Variants in STIM1 observed in about 807,000 individuals in gnomAD.
STIM1 encodes stromal interaction molecule 1.
A neutral mutation model predicts 74.7 loss-of-function variants in STIM1; 25 were observed. The observed-to-expected ratio is 0.33, with a 90% CI of 0.24 to 0.47. STIM1 has a LOEUF of 0.47. STIM1 is among the 20% of genes least tolerant of loss of function. The pLI is 1.00. For missense variants in STIM1, 728 were observed against 920.8 expected (o/e 0.79, Z 2.71); for synonymous variants, 328 against 348.8 (o/e 0.94, Z 0.66).
At chr11:3,870,150 T>G (rs11825543) in intron 1 of STIM1, among the ~76,000 whole-genome samples, 46,170 of 152,072 alleles carry the variant, frequency 0.3, 8,025 homozygotes, top group African/African-American at 0.47. Context: ...ATTTTACAAA[T>G]GAGTTTTCTG....
At chr11:3,948,427 G>A (rs939960328) in intron 1 of STIM1, among the ~76,000 whole-genome samples, 7 of 151,964 alleles carry the variant, frequency 4.6e-5, no homozygotes, top group African/African-American at 7.3e-5. Context: ...GAACAAGCTA[G>A]TTTTACTTGA....
At chr11:3,917,993 A>G (rs2135509003) in intron 1 of STIM1, among the ~76,000 whole-genome samples, 1 of 152,328 alleles carries the variant, frequency 6.6e-6, no homozygotes, top group East Asian at 1.9e-4. Flanking sequence ...TACAATTCAG[A>G]CAGACTTAAC....
At chr11:3,921,528 C>T (rs746675006) in intron 1 of STIM1, among the ~76,000 whole-genome samples, 57 of 152,190 alleles carry the variant, frequency 3.7e-4, no homozygotes, top group Non-Finnish European at 5.3e-4. Context: ...CATTAGCACA[C>T]TGGAGGCCTT....
chr11:4,018,936 C>G (rs2093929603), intron 2 of STIM1: 1 of 152,620 alleles, frequency 6.6e-6, no homozygotes, highest in South Asian at 2.1e-4. Flanking sequence ...TTGTTGCACT[C>G]CTGAAGGCAA....
intron 4 of STIM1, chr11:4,058,884 G>T: frequency 9.4e-7 from 1 of 1,060,128 alleles, no homozygotes; most frequent in African/African-American, 1.6e-5. Context: ...CAGAATCACT[G>T]GGTCATATGA....
At chr11:4,087,727 A>AC (rs1226178180) in intron 12 of STIM1, among the ~76,000 whole-genome samples, 1 of 151,406 alleles carries the variant, frequency 6.6e-6, no homozygotes, top group East Asian at 1.9e-4. Flanking sequence ...GTAGACCACT[A>AC]GGGGAGGTAA....
intron 2 of STIM1, among the ~76,000 whole-genome samples, chr11:4,004,351 G>C (rs985488688): frequency 4.6e-5 from 7 of 151,888 alleles, no homozygotes; most frequent in African/African-American, 1.2e-4. Flanking sequence ...CAAGGCTACA[G>C]TAACCAAAAC....
intron 1 of STIM1, 123 bp downstream of exon 1, chr11:3,856,532 C>T: frequency 8.3e-7 from 1 of 1,209,708 alleles, no homozygotes; most frequent in Non-Finnish European, 1.1e-6. Context: ...ACACATGGCA[C>T]TGCCTGTTCC....
At chr11:3,922,150 T>C (rs1459704473) in intron 1 of STIM1, among the ~76,000 whole-genome samples, 1 of 152,204 alleles carries the variant, frequency 6.6e-6, no homozygotes. Context: ...AATATGAGAA[T>C]TCTAGTTGTC....
chr11:4,090,891 T>G (rs936871675), intron 12 of STIM1, among the ~76,000 whole-genome samples: 84 of 152,226 alleles, frequency 5.5e-4, no homozygotes, highest in African/African-American at 1.9e-3. Context: ...TATGATGACA[T>G]TTGTTTTTGT....
chr11:3,872,784 G>A (rs1451944406), intron 1 of STIM1, among the ~76,000 whole-genome samples: 1 of 151,984 alleles, frequency 6.6e-6, no homozygotes, highest in African/African-American at 2.4e-5. Context: ...GCCTCTCAAA[G>A]TGCTAGGATT....
chr11:3,917,512 G>T (rs1387970652), intron 1 of STIM1, among the ~76,000 whole-genome samples: 1 of 149,096 alleles, frequency 6.7e-6, no homozygotes, highest in Non-Finnish European at 1.5e-5. Context: ...TTGGTTCACT[G>T]CAACCTTTAC....
intron 1 of STIM1, among the ~76,000 whole-genome samples, chr11:3,873,621 T>C (rs894148196): frequency 2.6e-5 from 4 of 152,026 alleles, no homozygotes; most frequent in African/African-American, 9.7e-5. Flanking sequence ...TGGATTAGGT[T>C]CAGTATAGCC....
intron 11 of STIM1, 193 bp from the exon 12 acceptor site, chr11:4,086,284 G>C (rs2094492537): frequency 1.6e-6 from 1 of 633,046 alleles, no homozygotes; most frequent in Non-Finnish European, 2.7e-6. Context: ...AAACTGACCT[G>C]GGCACTTCAT....
chr11:4,068,752 A>G (rs1007781747), intron 5 of STIM1, among the ~76,000 whole-genome samples: 1 of 152,102 alleles, frequency 6.6e-6, no homozygotes. Context: ...CTTTGATCCC[A>G]TCTCATCCCC....
At chr11:4,020,740 G>A (rs1021978393) in intron 2 of STIM1, among the ~76,000 whole-genome samples, 1 of 151,864 alleles carries the variant, frequency 6.6e-6, no homozygotes, top group African/African-American at 2.4e-5. Context: ...GGGACCACAG[G>A]CATAAACCAC....
At chr11:4,054,993 A>T (rs2094276877) in intron 3 of STIM1, among the ~76,000 whole-genome samples, 1 of 152,096 alleles carries the variant, frequency 6.6e-6, no homozygotes, top group Non-Finnish European at 1.5e-5. Context: ...CTGGATTGGG[A>T]ACTAACTTCC....
intron 1 of STIM1, among the ~76,000 whole-genome samples, chr11:3,929,347 G>A (rs2135553737): frequency 6.6e-6 from 1 of 152,300 alleles, no homozygotes; most frequent in Middle Eastern, 3.4e-3. Context: ...GAAGTCATTT[G>A]CTTGCATTTA....
At chr11:4,008,590 A>G (rs906940267) in intron 2 of STIM1, among the ~76,000 whole-genome samples, 1 of 152,246 alleles carries the variant, frequency 6.6e-6, no homozygotes, top group Admixed American at 6.5e-5. Context: ...TACTTATTTC[A>G]GTTTAGGGTT....
Sources: allele counts gnomAD v4.1 joint callset (sites outside exome capture counted in the v4.1 genomes callset), GRCh38; gene constraint gnomAD v4.1.1; transcripts MANE v1.5; gene names NCBI Gene and HGNC (gene_info 2026-07-23, HGNC 2026-07-21).